Variants in ARMH3 observed in about 807,000 individuals in gnomAD.
ARMH3 encodes armadillo like helical domain containing 3.
A neutral mutation model predicts 99.1 loss-of-function variants in ARMH3; 60 were observed. That is an observed-to-expected ratio of 0.61 (90% CI 0.49 to 0.75). The LOEUF (loss-of-function observed/expected upper bound fraction) is 0.75, where lower values mean the gene tolerates loss of function less well. Ranked by LOEUF, ARMH3 falls within the 30% of genes least tolerant of loss-of-function variation. The pLI is 0.00. For missense variants in ARMH3, 679 were observed against 843.1 expected (o/e 0.81, Z 2.41); for synonymous variants, 285 against 292.8 (o/e 0.97, Z 0.27).
At chr10:102,013,757 A>C (rs551826253) in intron 9 of ARMH3, among the ~76,000 whole-genome samples, 1 of 152,336 alleles carries the variant, frequency 6.6e-6, no homozygotes, top group African/African-American at 2.4e-5. Context: ...TAGCAAGCAA[A>C]TGTCCCCTCA....
intron 23 of ARMH3, among the ~76,000 whole-genome samples, chr10:101,934,360 C>G (rs1489320648): frequency 3.9e-5 from 6 of 152,030 alleles, no homozygotes; most frequent in Non-Finnish European, 8.8e-5. Flanking sequence ...ACAAAAAGAC[C>G]ATGAAGTGAA....
intron 1 of ARMH3, among the ~76,000 whole-genome samples, chr10:102,047,473 C>T (rs2067584610): frequency 6.6e-6 from 1 of 151,044 alleles, no homozygotes; most frequent in Non-Finnish European, 1.5e-5. Context: ...TCCTACCATT[C>T]TATTGAACCA....
At chr10:101,881,149 A>T (rs556414243) in intron 24 of ARMH3, among the ~76,000 whole-genome samples, 2 of 152,330 alleles carry the variant, frequency 1.3e-5, no homozygotes, top group South Asian at 4.1e-4. Context: ...ATACAACATT[A>T]TACAGGTCTC....
At chr10:102,055,432 G>C (rs1260104203) in intron 1 of ARMH3, among the ~76,000 whole-genome samples, 1 of 152,136 alleles carries the variant, frequency 6.6e-6, no homozygotes, top group East Asian at 1.9e-4. Flanking sequence ...CATTCGCCAG[G>C]GGCAGCACGC....
intron 19 of ARMH3, among the ~76,000 whole-genome samples, chr10:101,980,202 T>A (rs912355151): frequency 6.6e-6 from 1 of 152,100 alleles, no homozygotes; most frequent in Admixed American, 6.5e-5. Context: ...TTAAGTCTTA[T>A]TATACTAAGC....
chr10:101,980,178 C>A (rs1465828507), intron 19 of ARMH3, among the ~76,000 whole-genome samples: 1 of 152,198 alleles, frequency 6.6e-6, no homozygotes, highest in Non-Finnish European at 1.5e-5. Flanking sequence ...TGTATACCAA[C>A]TGAATGCTAT....
chr10:101,945,498 A>G (rs1844474533), intron 22 of ARMH3, among the ~76,000 whole-genome samples: 1 of 152,276 alleles, frequency 6.6e-6, no homozygotes, highest in South Asian at 2.1e-4. Flanking sequence ...CGGGTGGATC[A>G]CCTAAGGTCA....
intron 19 of ARMH3, among the ~76,000 whole-genome samples, chr10:101,978,289 T>C (rs1846091657): frequency 1.3e-5 from 2 of 151,100 alleles, no homozygotes; most frequent in African/African-American, 5.0e-5. Context: ...AAAATTCATA[T>C]GGTGAATTAT....
At chr10:101,990,057 A>G (rs1318944390) in intron 19 of ARMH3, among the ~76,000 whole-genome samples, 2 of 152,264 alleles carry the variant, frequency 1.3e-5, no homozygotes, top group East Asian at 3.9e-4. Context: ...CAGAATCCAC[A>G]TTGTGGTTTG....
chr10:101,966,258 A>G (rs1452734456), intron 20 of ARMH3, among the ~76,000 whole-genome samples: 1 of 135,332 alleles, frequency 7.4e-6, no homozygotes, highest in Non-Finnish European at 1.5e-5. Context: ...GGCATGCACC[A>G]CCACACCTGG....
rs773740731 is a variant in ARMH3 at position 101,993,557 on chromosome 10, C to T, written c.1256G>A (p.Arg419Gln). The T allele has an allele frequency of 2.9e-5, 47 of 1,599,518 alleles. No individual in the cohort carries two copies. The highest frequency in any genetic ancestry group is 3.7e-5 in the Non-Finnish European group (44 of 1,174,408). ...ACCTACCATTCTATGTAAGTTTACTCGAAAATTCATGTTGTCATCATGCAA... is the reference window on the plus strand; with the variant it reads ...ACCTACCATTCTATGTAAGTTTACTTGAAAATTCATGTTGTCATCATGCAA... ...AFLHDDNMNF[R>Q]VNLHRMPMRH... Residue 419 changes from arginine to glutamine, a missense_variant, in exon 17 of 26, where the codon CGA becomes CAA. Coordinates refer to ENST00000370033, the MANE Select transcript of ARMH3 (RefSeq NM_024541.3).
intron 8 of ARMH3, among the ~76,000 whole-genome samples, chr10:102,018,424 A>T (rs1057004208): frequency 1.2e-4 from 19 of 152,242 alleles, no homozygotes; most frequent in African/African-American, 4.6e-4. Context: ...TACTTACATA[A>T]GCAGATTGCA....
intron 1 of ARMH3, among the ~76,000 whole-genome samples, chr10:102,045,114 A>G (rs551290198): frequency 1.4e-5 from 2 of 140,570 alleles, no homozygotes; most frequent in Non-Finnish European, 3.0e-5. Flanking sequence ...TGAGCAACAG[A>G]GCCAGCCCTT....
At chr10:102,019,768 A>C (rs1443384770) in intron 8 of ARMH3, among the ~76,000 whole-genome samples, 1 of 151,824 alleles carries the variant, frequency 6.6e-6, no homozygotes, top group African/African-American at 2.4e-5. Flanking sequence ...TCTACTAAAA[A>C]TACAAAAAAA....
chr10:101,876,711 T>G (rs1027651114), intron 24 of ARMH3, among the ~76,000 whole-genome samples: 1 of 152,162 alleles, frequency 6.6e-6, no homozygotes, highest in Non-Finnish European at 1.5e-5. Context: ...AAGAACATCT[T>G]AAAGAGTTCT....
chr10:102,028,697 T>C (rs2067055920), intron 5 of ARMH3, among the ~76,000 whole-genome samples: 1 of 152,230 alleles, frequency 6.6e-6, no homozygotes, highest in South Asian at 2.1e-4. Flanking sequence ...GCTAAACCCA[T>C]AGAGACATAA....
At chr10:101,970,750 A>G (rs1845728691) in intron 20 of ARMH3, among the ~76,000 whole-genome samples, 1 of 152,026 alleles carries the variant, frequency 6.6e-6, no homozygotes, top group Non-Finnish European at 1.5e-5. Context: ...CATTGGGCCC[A>G]GGAGGTCGCG....
chr10:101,888,969 C>T (rs1203251378), intron 24 of ARMH3, among the ~76,000 whole-genome samples: 1 of 152,178 alleles, frequency 6.6e-6, no homozygotes, highest in African/African-American at 2.4e-5. Flanking sequence ...AAAGAGAACT[C>T]AATTACTAAG....
At chr10:101,938,794 A>G (rs1476812057) in intron 23 of ARMH3, among the ~76,000 whole-genome samples, 1 of 152,210 alleles carries the variant, frequency 6.6e-6, no homozygotes, top group East Asian at 1.9e-4. Context: ...GATTTATAAA[A>G]TTGTGTTTGA....
Sources: gnomAD v4.1 joint callset for allele counts (sites outside exome capture counted in the v4.1 genomes callset) on GRCh38, gnomAD v4.1.1 for gene constraint, MANE v1.5 for transcripts, NCBI Gene and HGNC (gene_info 2026-07-23, HGNC 2026-07-21) for gene names.